CUL9: variants seen among roughly 807,000 people sequenced by gnomAD.
CUL9 encodes the protein cullin 9, also known as cullin-9.
Under a neutral mutation model 272.6 loss-of-function variants are expected in CUL9, and 79 were observed. That is an observed-to-expected ratio of 0.29 (90% CI 0.24 to 0.35). CUL9 has a LOEUF of 0.35. Among genes scored for constraint, CUL9 ranks in the 10% least tolerant of loss-of-function variants. The pLI is 1.00. For missense variants in CUL9, 2,532 were observed against 3,255.6 expected, an observed-to-expected ratio of 0.78 and a Z score of 5.41; for synonymous variants, 1,186 against 1,286.5, an observed-to-expected ratio of 0.92 and a Z score of 1.67.
At chr6:43,205,240 C>T in intron 23 of CUL9, 23 bp from the exon 24 acceptor site, 2 of 1,610,614 alleles carry the variant, frequency 1.2e-6, no homozygotes, top group Non-Finnish European at 8.5e-7. Flanking sequence ...ATGGTTTGCT[C>T]ATGCCCTTTC....
intron 11 of CUL9, chr6:43,198,317 A>G: frequency 5.1e-6 from 5 of 977,920 alleles, no homozygotes; most frequent in Non-Finnish European, 4.9e-6. Context: ...GGATATAATC[A>G]TCATAGTTAA....
Position 43,200,755 on chromosome 6 carries a change from C to T in CUL9, c.3568C>T (p.Pro1190Ser), listed in dbSNP as rs1337252156. 1 of 1,614,228 alleles carries T rather than the reference C, an allele frequency of 6.2e-7. No individual in the cohort carries two copies. Among genetic ancestry groups the T allele is most frequent in the East Asian group, 2.2e-5 (1 of 44,886 alleles). ...HRASKLTDHN[P>S]KTYWESNGST... is the part of the protein sequence containing the mutation. ...AGCCAGCAAGCTGACGGACCACAAC[C>T]CCAAGACCTACTGGGAGTCCAACGG... The change falls in exon 16 of 41, where the codon CCC (proline) becomes TCC (serine). Residue 1190 changes from proline to serine, a missense_variant. Physicochemically the swap from Pro to Ser is moderately conservative, Grantham distance 74 (BLOSUM62 -1). Coordinates refer to ENST00000252050, the MANE Select transcript of CUL9 (RefSeq NM_015089.4). This position sits in a 1 kb window ranked among gnomAD's most constrained non-coding sequence, Gnocchi z 4.0.
chr6:43,195,963 C>T, intron 9 of CUL9, 106 bp from the exon 10 acceptor site: 2 of 859,636 alleles, frequency 2.3e-6, no homozygotes, highest in East Asian at 4.9e-5. Flanking sequence ...CTCTACCTAT[C>T]TGCAAACAGC....
chr6:43,203,677 G>C lies in CUL9; in HGVS notation c.4025+85G>C, dbSNP rs1448136651. 12 of 1,534,502 alleles carry C rather than the reference G, an allele frequency of 7.8e-6. No homozygotes were observed. The East Asian group carries it at 2.7e-4, about 35-fold the overall frequency. The stretch of plus-strand genomic sequence containing the variant: ...GGGATGCTCCTGTGGGAGTCCGGAA[G>C]GGAAAGCTGCAGCCAGGACATGAGG... On this transcript the variant is annotated intron_variant, in intron 19 of 40. Coordinates refer to ENST00000252050, the MANE Select transcript of CUL9 (RefSeq NM_015089.4). The surrounding 1 kb of genome is among the most constrained non-coding windows in gnomAD (Gnocchi z 5.0).
In CUL9 at chr6:43,187,303, A is replaced by T. The variant is rs1332923208; in HGVS notation, c.1445A>T (p.Gln482Leu). 6.2e-7 allele frequency: 1 copy of T among 1,614,110 alleles called. No individual in the cohort carries two copies. The highest frequency in any genetic ancestry group is 1.1e-5 in the South Asian group (1 of 91,082). Reference sequence around the variant, plus strand: ...GGGCTGTACCCTTTGCCGTACCTCCAGCCCGAACCTCAGAAGAATGAGAGA... The same window carrying T: ...GGGCTGTACCCTTTGCCGTACCTCCTGCCCGAACCTCAGAAGAATGAGAGA... ...MDGLYPLPYLQPEPQKNERVG... is the reference protein window; with the variant it reads ...MDGLYPLPYLLPEPQKNERVG... Residue 482 changes from glutamine (Q) to leucine (L), a missense_variant, in exon 6 of 41, where the codon CAG becomes CTG. By Grantham distance (113) the Gln-to-Leu change is moderately radical. This residue lies in a region of CUL9 where 2,218 missense variants were observed against 2,788.6 expected (regional missense o/e 0.80). Coordinates refer to ENST00000252050, the MANE Select transcript of CUL9 (RefSeq NM_015089.4).
At chr6:43,209,236 C>T (rs1279719233) in intron 26 of CUL9, among the ~76,000 whole-genome samples, 1 of 151,032 alleles carries the variant, frequency 6.6e-6, no homozygotes, top group Non-Finnish European at 1.5e-5. Context: ...AGCTCTGCCT[C>T]CCGGGTTCAC....
Position 43,221,605 on chromosome 6 carries a change from C to T in CUL9, c.6753-80C>T, listed in dbSNP as rs1329969090. On this transcript the variant is annotated intron_variant, in intron 34 of 40. Coordinates refer to ENST00000252050, the MANE Select transcript of CUL9 (RefSeq NM_015089.4). The surrounding 1 kb of genome is among the most constrained non-coding windows in gnomAD (Gnocchi z 4.2). The stretch of plus-strand genomic sequence containing the variant: ...GGAGCAGAGGCCACAGCATCAACAG[C>T]GGTACATCTGGGCCCTTGGCATTCC... 1.0e-5 allele frequency: 13 copies of T among 1,293,528 alleles called. No homozygotes were observed. Among genetic ancestry groups the T allele is most frequent in the Admixed American group, 5.5e-5 (3 of 54,218 alleles). The allele number at this position is 1,293,528 out of a possible 1,614,324, so 80.1% of individuals were successfully genotyped here. A position where few individuals can be genotyped will look rare whatever the true frequency, so the allele number is the denominator to read the frequency against.
chr6:43,205,319 T>A lies in CUL9; in HGVS notation c.4689T>A (p.Gly1563=), dbSNP rs1295817977. ...AACAGATCCAGGGTGGCCTGATTGG[T>A]GGAGCCCCTGGAGTGGAAATGCTGG... ...IDQQIQGGLI[G]GAPGVEMLGQ... is the part of the protein sequence containing the mutation. Residue 1563 remains glycine, a synonymous_variant, in exon 24 of 41, where the codon GGT becomes GGA. Coordinates refer to ENST00000252050, the MANE Select transcript of CUL9 (RefSeq NM_015089.4). The A allele has an allele frequency of 6.2e-7, 1 of 1,614,172 alleles. No homozygotes were observed. Among genetic ancestry groups the A allele is most frequent in the East Asian group, 2.2e-5 (1 of 44,884 alleles).
In CUL9 at chr6:43,205,320, G is replaced by A; in HGVS notation, c.4690G>A (p.Gly1564Arg). The change falls in exon 24 of 41, where the codon GGA becomes AGA. Residue 1564 changes from glycine (G) to arginine (R), a missense_variant. Physicochemically the swap from Gly to Arg is moderately radical, Grantham distance 125 (BLOSUM62 -2). Coordinates refer to ENST00000252050, the MANE Select transcript of CUL9 (RefSeq NM_015089.4). ...ACAGATCCAGGGTGGCCTGATTGGTGGAGCCCCTGGAGTGGAAATGCTGGG... is the reference window on the plus strand; with the variant it reads ...ACAGATCCAGGGTGGCCTGATTGGTAGAGCCCCTGGAGTGGAAATGCTGGG... Reference protein sequence around the residue: ...DQQIQGGLIGGAPGVEMLGQL... With the variant: ...DQQIQGGLIGRAPGVEMLGQL... The A allele has an allele frequency of 6.2e-7, 1 of 1,614,210 alleles. No homozygotes were observed. Among genetic ancestry groups the A allele is most frequent in the South Asian group, 1.1e-5 (1 of 91,078 alleles).
intron 11 of CUL9, 137 bp downstream of exon 11, chr6:43,196,999 A>G: frequency 1.4e-6 from 1 of 700,228 alleles, no homozygotes; most frequent in Non-Finnish European, 2.4e-6. Context: ...TCTTAAGTAG[A>G]ACTTCCCGAC....
chr6:43,195,304 G>A (rs1263006700), intron 9 of CUL9, among the ~76,000 whole-genome samples: 3 of 152,302 alleles, frequency 2.0e-5, no homozygotes, highest in Non-Finnish European at 4.4e-5. Flanking sequence ...CACTCTGATT[G>A]TATAGTGTCT....
In CUL9 at chr6:43,187,739, G is replaced by A. The variant is rs1201916541; in HGVS notation, c.1608G>A (p.Glu536=). Residue 536 remains glutamate, a synonymous_variant, in exon 7 of 41, where the codon GAG becomes GAA. Transcript: ENST00000252050. The part of the protein sequence containing the change: ...DETLGEKALG[E]ISVSVEMAES... The stretch of plus-strand genomic sequence containing the variant: ...CCCTGGGTGAAAAGGCCCTAGGTGA[G>A]ATCTCTGTGTCCGTGGAAATGGCCG... 1 of 1,613,036 alleles carries A rather than the reference G, an allele frequency of 6.2e-7. No homozygotes were observed. The highest frequency in any genetic ancestry group is 8.5e-7 in the Non-Finnish European group (1 of 1,179,960).
rs1272109668 is a variant in CUL9 at position 43,203,095 on chromosome 6, C to T, written c.3754-14C>T. 3 of 1,612,526 alleles carry T rather than the reference C, an allele frequency of 1.9e-6. No homozygotes were observed. Among genetic ancestry groups the T allele is most frequent in the East Asian group, 2.2e-5 (1 of 44,876 alleles). ...AGGTGACAGTTCTCTCCCTCTTCTC[C>T]CCTGCCCTACCAGGTGAATGTGATG... On this transcript the variant is annotated splice_polypyrimidine_tract_variant and intron_variant, in intron 17 of 40. Coordinates refer to ENST00000252050, the MANE Select transcript of CUL9 (RefSeq NM_015089.4). The surrounding 1 kb of genome is among the most constrained non-coding windows in gnomAD (Gnocchi z 5.0).
At chr6:43,192,928 C>T (rs373514212) in intron 8 of CUL9, 73 bp from the exon 9 acceptor site, 81 of 1,375,104 alleles carry the variant, frequency 5.9e-5, no homozygotes, top group African/African-American at 2.0e-4. Flanking sequence ...TCAGGGAGTC[C>T]GACGGTGCCA....
chr6:43,192,287 A>G (rs999615283), intron 8 of CUL9, among the ~76,000 whole-genome samples: 4 of 151,878 alleles, frequency 2.6e-5, no homozygotes, highest in Non-Finnish European at 2.9e-5. Flanking sequence ...GGCTCAAGCA[A>G]TTTACCTGCC....
chr6:43,192,595 A>G (rs1220901847), intron 8 of CUL9, among the ~76,000 whole-genome samples: 2 of 152,160 alleles, frequency 1.3e-5, no homozygotes, highest in Non-Finnish European at 2.9e-5. Context: ...AGAATCACGT[A>G]AACCCAGGAG....
At position 43,221,024 on chromosome 6, in the gene CUL9, C is replaced by A; in HGVS notation, c.6588+113C>A. On this transcript the variant is annotated intron_variant, in intron 33 of 40. Transcript: ENST00000252050. The surrounding 1 kb of genome is among the most constrained non-coding windows in gnomAD (Gnocchi z 4.2). ...GTGACTTGTCCTTCCTCAGCCTCTGCCACCCAGTTGAGCTCTGTTCCTCTT... is the reference window on the plus strand; with the variant it reads ...GTGACTTGTCCTTCCTCAGCCTCTGACACCCAGTTGAGCTCTGTTCCTCTT... 6.8e-7 allele frequency: 1 copy of A among 1,470,412 alleles called. No individual in the cohort carries two copies. The highest frequency in any genetic ancestry group is 9.1e-7 in the Non-Finnish European group (1 of 1,097,576). The allele number at this position is 1,470,412 out of a possible 1,614,324, so 91.1% of individuals were successfully genotyped here.
rs1022394044 is a variant in CUL9, at chr6:43,204,872, G to A, written c.4449+15G>A. On this transcript the variant is annotated intron_variant, in intron 22 of 40. Coordinates refer to ENST00000252050, the MANE Select transcript of CUL9 (RefSeq NM_015089.4). The stretch of plus-strand genomic sequence containing the variant: ...TGCAGGAGCAGGTGGGCAGAAGCAA[G>A]CAGAAGTCTGCAGAGGGGAGGGGCT... 1 of 1,613,884 alleles carries A rather than the reference G, an allele frequency of 6.2e-7. No homozygotes were observed. Among genetic ancestry groups the A allele is most frequent in the African/African-American group, 1.3e-5 (1 of 75,066 alleles).
At chr6:43,202,317 C>T (rs907391490) in intron 16 of CUL9, among the ~76,000 whole-genome samples, 2 of 152,144 alleles carry the variant, frequency 1.3e-5, no homozygotes, top group African/African-American at 4.8e-5. Flanking sequence ...CATGAAAGCT[C>T]AGGAGAGTGG....
Sources: gnomAD v4.1 joint callset for allele counts (sites outside exome capture counted in the v4.1 genomes callset) on GRCh38, gnomAD v4.1.1 for gene constraint, gnomAD v4.1.1 regional missense constraint, Gnocchi (gnomAD v3.1) non-coding constraint, MANE v1.5 for transcripts, NCBI Gene and HGNC (gene_info 2026-07-23, HGNC 2026-07-21) for gene names.